The following ACOXL variants were observed in gnomAD, a reference collection of about 807,000 sequenced individuals.
ACOXL encodes the protein acyl-coenzyme A oxidase-like protein.
Under a neutral mutation model 71.9 loss-of-function variants are expected in ACOXL, and 70 were observed. The observed-to-expected ratio is 0.97, with a 90% CI of 0.80 to 1.19. ACOXL has a LOEUF of 1.19. Ranked by LOEUF, ACOXL falls within the 50% of genes most tolerant of loss-of-function variation. The pLI is 0.00. For synonymous variants in ACOXL, 253 were observed against 281.6 expected, an observed-to-expected ratio of 0.90 and a Z score of 1.02; for missense variants, 703 against 736.3, an observed-to-expected ratio of 0.95 and a Z score of 0.52.
At chr2:111,076,792 A>G (rs1372299789) in intron 16 of ACOXL, among the ~76,000 whole-genome samples, 8 of 152,226 alleles carry the variant, frequency 5.3e-5, no homozygotes, top group Admixed American at 3.9e-4. Flanking sequence ...TCCAAAATCA[A>G]GGTGTTGGCA....
At chr2:110,917,985 A>T (rs1322085186) in intron 11 of ACOXL, among the ~76,000 whole-genome samples, 2 of 152,222 alleles carry the variant, frequency 1.3e-5, no homozygotes, top group Admixed American at 6.5e-5. Context: ...ATACTGCCCA[A>T]AGTAGTTTAT....
At chr2:110,961,515 C>G (rs2061698061) in intron 12 of ACOXL, among the ~76,000 whole-genome samples, 1 of 152,148 alleles carries the variant, frequency 6.6e-6, no homozygotes, top group African/African-American at 2.4e-5. Context: ...CAACAAAGAG[C>G]CTGTTGCCCT....
intron 14 of ACOXL, among the ~76,000 whole-genome samples, chr2:111,013,839 TACAA>T (rs1336622725): frequency 7.8e-5 from 10 of 128,346 alleles, no homozygotes; most frequent in Non-Finnish European, 1.2e-4. Context: ...AGAAAACAAT[TACAA>T]ACAAATATTC....
At chr2:111,082,038 T>G (rs1194689118) in intron 16 of ACOXL, among the ~76,000 whole-genome samples, 1 of 152,164 alleles carries the variant, frequency 6.6e-6, no homozygotes, top group East Asian at 1.9e-4. Flanking sequence ...ATTAAAGACT[T>G]AAATGTAAGA....
chr2:111,063,792 A>G (rs946824651), intron 16 of ACOXL, among the ~76,000 whole-genome samples: 1 of 152,238 alleles, frequency 6.6e-6, no homozygotes, highest in Non-Finnish European at 1.5e-5. Context: ...GGCAAGATAC[A>G]GAAATAAAAG....
chr2:110,988,680 T>C (rs918298018), intron 13 of ACOXL, among the ~76,000 whole-genome samples: 13 of 152,170 alleles, frequency 8.5e-5, no homozygotes, highest in Admixed American at 5.2e-4. Context: ...TCACCAACCC[T>C]TGGTACTATC....
chr2:111,041,377 C>A (rs1415558601), intron 15 of ACOXL, among the ~76,000 whole-genome samples: 1 of 152,176 alleles, frequency 6.6e-6, no homozygotes, highest in Non-Finnish European at 1.5e-5. Context: ...ACACTGGAGT[C>A]CACAGTGTTT....
rs117370065 is a variant in ACOXL at position 110,750,150 on chromosome 2, T to G, written c.-23+17376T>G. Among the ~76,000 whole-genome samples the G allele has an allele frequency of 2.6e-3, 391 of 152,356 alleles. 11 individuals are homozygous for G. In the East Asian group the frequency reaches 0.071, roughly 28 times the overall value. The stretch of plus-strand genomic sequence containing the variant: ...CTCTGGAAACTAGTCATTCAATCTG[T>G]CCAACATTCAAGTTGGGTGAGTGGG... On this transcript the variant is annotated intron_variant, in intron 1 of 17. Coordinates refer to ENST00000439055, the MANE Select transcript of ACOXL (RefSeq NM_001142807.4).
chr2:110,926,000 G>A (rs189872359), intron 11 of ACOXL, among the ~76,000 whole-genome samples: 41 of 152,166 alleles, frequency 2.7e-4, no homozygotes, highest in Non-Finnish European at 1.8e-4. Context: ...AGAGAGGCCT[G>A]AGGAGCGGGA....
intron 3 of ACOXL, among the ~76,000 whole-genome samples, chr2:110,792,919 A>C (rs1337603881): frequency 6.6e-6 from 1 of 152,220 alleles, no homozygotes; most frequent in Non-Finnish European, 1.5e-5. Context: ...CTTGGGTTTC[A>C]GCCTCAGCCC....
intron 15 of ACOXL, among the ~76,000 whole-genome samples, chr2:111,044,443 T>C (rs2065923224): frequency 6.6e-6 from 1 of 152,230 alleles, no homozygotes; most frequent in Admixed American, 6.5e-5. Context: ...CAGGGCCCTC[T>C]AAAGCTTAGC....
chr2:110,745,007 A>T (rs1020582623), intron 1 of ACOXL, among the ~76,000 whole-genome samples: 3 of 152,216 alleles, frequency 2.0e-5, no homozygotes, highest in Admixed American at 1.3e-4. Context: ...TTGCCTTGCC[A>T]GTTCCCTGAG....
intron 14 of ACOXL, among the ~76,000 whole-genome samples, chr2:111,001,248 C>A (rs2063613585): frequency 6.6e-6 from 1 of 152,084 alleles, no homozygotes; most frequent in Non-Finnish European, 1.5e-5. Flanking sequence ...AATAAACCTC[C>A]CCAAAGATTC....
chr2:110,934,156 T>C (rs2060578920), intron 12 of ACOXL, among the ~76,000 whole-genome samples: 1 of 152,182 alleles, frequency 6.6e-6, no homozygotes, highest in Admixed American at 6.5e-5. Context: ...TGAGGGGGAC[T>C]CTGAGAGCAG....
At chr2:110,953,539 T>C (rs1215829401) in intron 12 of ACOXL, among the ~76,000 whole-genome samples, 2 of 152,118 alleles carry the variant, frequency 1.3e-5, no homozygotes, top group African/African-American at 2.4e-5. Flanking sequence ...TATTCAAATA[T>C]GCCCTATTCT....
chr2:110,916,276 G>A (rs889278508), intron 11 of ACOXL, among the ~76,000 whole-genome samples: 5 of 151,476 alleles, frequency 3.3e-5, no homozygotes, highest in African/African-American at 1.2e-4. Flanking sequence ...TTTGCTGGGT[G>A]TTTATCAGCT....
chr2:111,109,598 ATTCT>A (rs1558978206), intron 17 of ACOXL, among the ~76,000 whole-genome samples: 3 of 147,136 alleles, frequency 2.0e-5, no homozygotes, highest in South Asian at 2.1e-4. Context: ...TTTTCCTTTC[ATTCT>A]TTCTTAGGAG....
intron 10 of ACOXL, among the ~76,000 whole-genome samples, chr2:110,854,887 C>T (rs1220713405): frequency 6.6e-6 from 1 of 152,242 alleles, no homozygotes; most frequent in Middle Eastern, 3.2e-3. Context: ...TCCACCTTCC[C>T]TGGAATCTGT....
At chr2:111,041,207 G>A (rs530495146) in intron 15 of ACOXL, among the ~76,000 whole-genome samples, 26 of 152,160 alleles carry the variant, frequency 1.7e-4, no homozygotes, top group Non-Finnish European at 1.0e-4. Context: ...CGAGACAGGC[G>A]CGTGGCAGAG....
Sources: gnomAD v4.1 joint callset for allele counts (sites outside exome capture counted in the v4.1 genomes callset) on GRCh38, gnomAD v4.1.1 for gene constraint, MANE v1.5 for transcripts, NCBI Gene and HGNC (gene_info 2026-07-23, HGNC 2026-07-21) for gene names.